Variants in FLVCR2 observed in about 807,000 individuals in gnomAD.
FLVCR2 encodes the protein choline/ethanolamine transporter FLVCR2.
FLVCR2 carries 38 observed loss-of-function variants against 48.9 expected under a neutral mutation model. That is an observed-to-expected ratio of 0.78 (90% CI 0.60 to 1.02). FLVCR2 has a LOEUF of 1.02. FLVCR2 is among the 50% of genes least tolerant of loss of function. The pLI, the probability that FLVCR2 is intolerant of heterozygous loss-of-function variation, is 0.00. For synonymous variants in FLVCR2, 255 were observed against 257.0 expected, an observed-to-expected ratio of 0.99 and a Z score of 0.07; for missense variants, 664 against 663.3, an observed-to-expected ratio of 1.00 and a Z score of -0.01.
intron 1 of FLVCR2, among the ~76,000 whole-genome samples, chr14:75,614,491 T>G (rs541964159): frequency 2.6e-5 from 4 of 152,308 alleles, no homozygotes; most frequent in African/African-American, 9.6e-5. Flanking sequence ...TGTGAGAGAA[T>G]TCACATGGTG....
rs570085219 is a variant in FLVCR2, at chr14:75,646,898, T to A, written c.*426T>A. Reference sequence around the variant, plus strand: ...CTAAGAGCCTCTCATGAAGCCCAGTTCTAATAAGTGGCAAGCTGCTCTGCC... The same window carrying A: ...CTAAGAGCCTCTCATGAAGCCCAGTACTAATAAGTGGCAAGCTGCTCTGCC... On this transcript the variant is annotated 3_prime_UTR_variant, in exon 10 of 10. Transcript: ENST00000238667. The A allele has an allele frequency of 5.1e-5, 14 of 276,490 alleles. No homozygotes were observed. In the East Asian group the frequency reaches 1.1e-3, roughly 22 times the overall value. The allele number at this position is 276,490 out of a possible 1,614,324, so 17.1% of individuals were successfully genotyped here. A position where few individuals can be genotyped will look rare whatever the true frequency, so the allele number is the denominator to read the frequency against.
intron 1 of FLVCR2, among the ~76,000 whole-genome samples, chr14:75,610,004 C>T (rs778265689): frequency 6.6e-6 from 1 of 152,140 alleles, no homozygotes; most frequent in Admixed American, 6.6e-5. Context: ...GCAATCAGTG[C>T]CAAAGCATTT....
intron 1 of FLVCR2, among the ~76,000 whole-genome samples, chr14:75,610,085 A>T (rs1889401239): frequency 6.6e-6 from 1 of 152,114 alleles, no homozygotes; most frequent in Non-Finnish European, 1.5e-5. Context: ...ATGTGATCTG[A>T]TGTGATCTCA....
chr14:75,634,827 TG>T (rs1320460670), intron 4 of FLVCR2, 82 bp from the exon 5 acceptor site: 1 of 878,720 alleles, frequency 1.1e-6, no homozygotes, highest in African/African-American at 1.6e-5. Context: ...TACCTGCCTT[TG>T]TTCCTTCACC....
chr14:75,604,821 A>G (rs1889251257), intron 1 of FLVCR2, among the ~76,000 whole-genome samples: 1 of 152,146 alleles, frequency 6.6e-6, no homozygotes, highest in Non-Finnish European at 1.5e-5. Flanking sequence ...CCATTCCAGG[A>G]AGTATCCCAG....
intron 1 of FLVCR2, among the ~76,000 whole-genome samples, chr14:75,590,472 G>C (rs1421054888): frequency 2.0e-5 from 3 of 152,184 alleles, no homozygotes; most frequent in Non-Finnish European, 2.9e-5. Flanking sequence ...ATAGTCCTGA[G>C]AGTCTTAACT....
intron 2 of FLVCR2, among the ~76,000 whole-genome samples, chr14:75,623,740 C>T (rs1889819908): frequency 6.6e-6 from 1 of 151,928 alleles, no homozygotes; most frequent in South Asian, 2.1e-4. Context: ...TTTCAGCCTT[C>T]CAGAGGTGAT....
chr14:75,646,531 T>TGG lies in FLVCR2; in HGVS notation c.*59_*60insGG. ...ACCCCACCTTTTCCTTCAGCACAGCTCTCACCGCCAGCACAAAGGGCTTCG... is the reference window on the plus strand; with the variant it reads ...ACCCCACCTTTTCCTTCAGCACAGCTGGCTCACCGCCAGCACAAAGGGCTTCG... On this transcript the variant is annotated 3_prime_UTR_variant, in exon 10 of 10. Coordinates refer to ENST00000238667, the MANE Select transcript of FLVCR2 (RefSeq NM_017791.3). The TGG allele has an allele frequency of 8.1e-7, 1 of 1,233,750 alleles. No individual in the cohort carries two copies. Among genetic ancestry groups the TGG allele is most frequent in the Non-Finnish European group, 1.2e-6 (1 of 835,234 alleles). 76.4% of individuals were successfully genotyped at this position (1,233,750 alleles called of 1,614,324 possible). A position where few individuals can be genotyped will look rare whatever the true frequency, so the allele number is the denominator to read the frequency against.
At chr14:75,603,792 T>C (rs1261832893) in intron 1 of FLVCR2, among the ~76,000 whole-genome samples, 3 of 152,182 alleles carry the variant, frequency 2.0e-5, no homozygotes, top group African/African-American at 7.2e-5. Context: ...CTCCAGCTCC[T>C]GTGCCCGCTT....
chr14:75,586,340 A>T (rs994773146), intron 1 of FLVCR2, among the ~76,000 whole-genome samples: 3 of 152,174 alleles, frequency 2.0e-5, no homozygotes, highest in African/African-American at 7.2e-5. Context: ...AAGTACATTG[A>T]TCAGTTAGGG....
chr14:75,593,054 T>A (rs1888925250), intron 1 of FLVCR2, among the ~76,000 whole-genome samples: 1 of 152,184 alleles, frequency 6.6e-6, no homozygotes, highest in African/African-American at 2.4e-5. Flanking sequence ...ATCTAACCAA[T>A]CTCTGAGAAG....
intron 1 of FLVCR2, among the ~76,000 whole-genome samples, chr14:75,586,192 A>T (rs1235338659): frequency 6.6e-6 from 1 of 152,242 alleles, no homozygotes; most frequent in African/African-American, 2.4e-5. Flanking sequence ...GGCGGGAATT[A>T]TCATTAATTC....
rs369276382 is a variant in FLVCR2 at position 75,597,388 on chromosome 14, A to G, written c.669+17747A>G. Among the ~76,000 whole-genome samples the G allele has an allele frequency of 9.5e-4, 144 of 152,252 alleles. 1 individual carries two copies. Among genetic ancestry groups the G allele is most frequent in the African/African-American group, 3.3e-3 (137 of 41,546 alleles). ...CTTTCTCCTTCCTCGAAAAGCTCTC[A>G]CCAAACGTGGGCAGGTGGAAACAAT... On this transcript the variant is annotated intron_variant, in intron 1 of 9. Transcript: ENST00000238667.
intron 1 of FLVCR2, among the ~76,000 whole-genome samples, chr14:75,594,205 A>G (rs113035460): frequency 4.1e-4 from 62 of 149,988 alleles, no homozygotes; most frequent in African/African-American, 8.2e-4. Flanking sequence ...TTTACTGTCT[A>G]TAACTGTCTA....
chr14:75,597,909 G>A (rs527936632), intron 1 of FLVCR2, among the ~76,000 whole-genome samples: 7 of 152,204 alleles, frequency 4.6e-5, no homozygotes, highest in African/African-American at 1.4e-4. Flanking sequence ...AATAAGGCTC[G>A]TGATCAGACA....
chr14:75,642,448 A>G (rs1240767560), intron 9 of FLVCR2, among the ~76,000 whole-genome samples: 1 of 152,274 alleles, frequency 6.6e-6, no homozygotes, highest in Non-Finnish European at 1.5e-5. Context: ...GGAGAGGACC[A>G]GGAGTATGAC....
At position 75,579,291 on chromosome 14, in the gene FLVCR2, T is replaced by C; in HGVS notation, c.319T>C (p.Ser107Pro). 1 of 1,614,198 alleles carries C rather than the reference T, an allele frequency of 6.2e-7. No homozygotes were observed. Among genetic ancestry groups the C allele is most frequent in the Admixed American group, 1.7e-5 (1 of 60,002 alleles). ...CNSFQWIQYG[S>P]INNIFMHFYG... The stretch of plus-strand genomic sequence containing the variant: ...CTCCTTTCAGTGGATCCAGTACGGC[T>C]CCATCAATAACATCTTCATGCACTT... Residue 107 changes from serine to proline, a missense_variant, in exon 1 of 10, where the codon TCC (serine) becomes CCC (proline). Coordinates refer to ENST00000238667, the MANE Select transcript of FLVCR2 (RefSeq NM_017791.3).
intron 1 of FLVCR2, among the ~76,000 whole-genome samples, chr14:75,591,805 C>T (rs1270899817): frequency 7.1e-5 from 10 of 141,248 alleles, no homozygotes; most frequent in African/African-American, 2.8e-4. Flanking sequence ...TCTCTTCATT[C>T]CTTTTTTTTT....
chr14:75,644,521 C>T (rs957233885), intron 9 of FLVCR2, among the ~76,000 whole-genome samples: 4 of 152,138 alleles, frequency 2.6e-5, no homozygotes, highest in African/African-American at 4.8e-5. Context: ...CTGGAAATAG[C>T]GCTGAGTAGG....
Sources: allele counts gnomAD v4.1 joint callset (sites outside exome capture counted in the v4.1 genomes callset), GRCh38; gene constraint gnomAD v4.1.1; transcripts MANE v1.5; gene names NCBI Gene and HGNC (gene_info 2026-07-23, HGNC 2026-07-21).